Variants in FBXO43 observed in about 807,000 individuals in gnomAD.
FBXO43 encodes the protein F-box only protein 43.
FBXO43 carries 22 observed loss-of-function variants against 56.7 expected under a neutral mutation model. The ratio of observed to expected loss-of-function variants is 0.39; its 90% CI spans 0.28 to 0.55. The LOEUF (loss-of-function observed/expected upper bound fraction) is 0.55. Among genes scored for constraint, FBXO43 ranks in the 20% least tolerant of loss-of-function variants. The pLI, the probability that FBXO43 is intolerant of heterozygous loss-of-function variation, is 0.66. For synonymous variants in FBXO43, 306 were observed against 294.5 expected (o/e 1.04, Z -0.40); for missense variants, 733 against 814.9 (o/e 0.90, Z 1.22).
chr8:100,146,890 C>T (rs1180933925), upstream of FBXO43, among the ~76,000 whole-genome samples: 1 of 152,244 alleles, frequency 6.6e-6, no homozygotes, highest in East Asian at 1.9e-4. Flanking sequence ...CTCTGTCACG[C>T]ACGCTGGAGT....
At position 100,134,344 on chromosome 8, in the gene FBXO43, C is replaced by T. The variant is rs1243361013; in HGVS notation, c.1695G>A (p.Glu565=). Reference sequence around the variant, plus strand: ...AAAGCTGGAGCCGAGTGGCAGCATCCTCGACATTTAATACAGCCCCCTGTG... The same window carrying T: ...AAAGCTGGAGCCGAGTGGCAGCATCTTCGACATTTAATACAGCCCCCTGTG... ...TDSEGAVLNV[E]DAATRLQLLN... is the part of the protein sequence containing the mutation. The change falls in exon 4 of 5, where the codon GAG becomes GAA. Residue 565 remains glutamate, a synonymous_variant. Coordinates refer to ENST00000428847, the MANE Select transcript of FBXO43 (RefSeq NM_001029860.4). The T allele has an allele frequency of 9.9e-6, 16 of 1,613,530 alleles. No individual in the cohort carries two copies. The highest frequency in any genetic ancestry group is 2.2e-5 in the East Asian group (1 of 44,878).
At chr8:100,144,901 C>T in intron 1 of FBXO43, 150 bp downstream of exon 1, 3 of 926,894 alleles carry the variant, frequency 3.2e-6, no homozygotes, top group Non-Finnish European at 3.0e-6. Context: ...CACTGCACTC[C>T]AGCCTGGGCG....
rs752229751 is a variant in FBXO43, at chr8:100,145,086, AC to A, written c.49del (p.Val17Ter). On this transcript the variant is annotated frameshift_variant, in exon 1 of 5. Transcript: ENST00000428847. LOFTEE classifies it high-confidence loss of function. ...DERISCLEAY[V>X]TLTSKSSRFT... ...TCTTGAGCTCTTAGATGTCAAAGTTACGTAGGCTTCCAAACAAGAAATTCTC... is the reference window on the plus strand; with the variant it reads ...TCTTGAGCTCTTAGATGTCAAAGTTAGTAGGCTTCCAAACAAGAAATTCTC... The A allele has an allele frequency of 1.2e-6, 2 of 1,612,482 alleles. No individual in the cohort carries two copies. The highest frequency in any genetic ancestry group is 1.3e-5 in the African/African-American group (1 of 75,002).
chr8:100,144,298 G>A (rs1275894497), intron 1 of FBXO43, among the ~76,000 whole-genome samples: 1 of 149,486 alleles, frequency 6.7e-6, no homozygotes, highest in East Asian at 2.1e-4. Flanking sequence ...AAATGCTTGA[G>A]TCCAGGAGTT....
upstream of FBXO43, among the ~76,000 whole-genome samples, chr8:100,150,048 C>A (rs949924640): frequency 6.6e-6 from 1 of 152,064 alleles, no homozygotes; most frequent in Non-Finnish European, 1.5e-5. Flanking sequence ...ACCAAAATCT[C>A]TTAGATTTAA....
intron 1 of FBXO43, among the ~76,000 whole-genome samples, chr8:100,144,250 G>C (rs537918201): frequency 1.3e-5 from 2 of 151,950 alleles, no homozygotes; most frequent in African/African-American, 4.8e-5. Context: ...GGTGGCTCAC[G>C]CCTGTAATCC....
upstream of FBXO43, among the ~76,000 whole-genome samples, chr8:100,146,016 C>T (rs1440582317): frequency 6.6e-6 from 1 of 152,266 alleles, no homozygotes; most frequent in Non-Finnish European, 1.5e-5. Flanking sequence ...TCTCCCCATT[C>T]CCACTTTGGG....
Position 100,141,942 on chromosome 8 carries a change from G to A in FBXO43, c.312C>T (p.Leu104=), listed in dbSNP as rs948632951. 6.2e-6 allele frequency: 10 copies of A among 1,601,264 alleles called. No individual in the cohort carries two copies. The highest frequency in any genetic ancestry group is 1.3e-5 in the African/African-American group (1 of 74,188). Reference sequence around the variant, plus strand: ...GGCCTGAAGTTTCAGGGTGCTCATAGAGTAATGTTGGGCCTTTTTCTTTCT... The same window carrying A: ...GGCCTGAAGTTTCAGGGTGCTCATAAAGTAATGTTGGGCCTTTTTCTTTCT... ...LGKKEKGPTL[L]YEHPETSGLG... is the part of the protein sequence containing the mutation. The change falls in exon 2 of 5, where the codon CTC becomes CTT. Residue 104 remains leucine, a synonymous_variant. Transcript: ENST00000428847.
At position 100,141,480 on chromosome 8, in the gene FBXO43, A is replaced by G; in HGVS notation, c.774T>C (p.Phe258=). The change falls in exon 2 of 5, where the codon TTT becomes TTC. Residue 258 remains phenylalanine (F), a synonymous_variant. Coordinates refer to ENST00000428847, the MANE Select transcript of FBXO43 (RefSeq NM_001029860.4). ...ECISPIQGNN[F]KDSITHDFSD... ...TAAAGTCATGTGTGATAGAGTCTTT[A>G]AAATTATTGCCCTGAATTGGAGATA... 1 of 1,613,190 alleles carries G rather than the reference A, an allele frequency of 6.2e-7. No individual in the cohort carries two copies. The highest frequency in any genetic ancestry group is 8.5e-7 in the Non-Finnish European group (1 of 1,179,986).
chr8:100,141,864 C>T lies in FBXO43; in HGVS notation c.390G>A (p.Leu130=). The T allele has an allele frequency of 1.9e-6, 3 of 1,589,440 alleles. No individual in the cohort carries two copies. The highest frequency in any genetic ancestry group is 2.6e-6 in the Non-Finnish European group (3 of 1,173,272). The stretch of plus-strand genomic sequence containing the variant: ...GGGTTTTATCCTTTTCCTTTCTAGG[C>T]AAGATACATTTCTTTTTTTGAGTGG... ...ESPTQKKKCI[L]PRKEKDKTPE... The change falls in exon 2 of 5, where the codon TTG becomes TTA. Residue 130 remains leucine, a synonymous_variant. Coordinates refer to ENST00000428847, the MANE Select transcript of FBXO43 (RefSeq NM_001029860.4).
chr8:100,145,047 T>A lies in FBXO43; in HGVS notation c.85+4A>T, dbSNP rs1026587294. On this transcript the variant is annotated splice_donor_region_variant and intron_variant, in intron 1 of 4. Transcript: ENST00000428847. ...TCTTCATTTGTTAAAGTGGAAACTC[T>A]TACCATCAGTAAATCTTGAGCTCTT... 2 of 1,609,648 alleles carry A rather than the reference T, an allele frequency of 1.2e-6. No individual in the cohort carries two copies. Among genetic ancestry groups the A allele is most frequent in the African/African-American group, 2.7e-5 (2 of 74,860 alleles).
At chr8:100,135,254 G>A (rs1814434442) in intron 3 of FBXO43, among the ~76,000 whole-genome samples, 1 of 152,094 alleles carries the variant, frequency 6.6e-6, no homozygotes, top group African/African-American at 2.4e-5. Context: ...GGAATTCAGA[G>A]AGAGAGGGGT....
rs942757485 is a variant in FBXO43, at chr8:100,145,794, C to G, written c.-659G>C. 1.3e-5 allele frequency: 2 copies of G among 152,362 alleles called. No individual in the cohort carries two copies. The highest frequency in any genetic ancestry group is 6.5e-5 in the Admixed American group (1 of 15,290). The allele number at this position is 152,362 out of a possible 1,614,324, so 9.4% of individuals were successfully genotyped here. Reference sequence around the variant, plus strand: ...CCCCCACGCCAGCTTCGCGTGGGGCCGCTGCCTTTACCTCCTTAGGTTTGA... The same window carrying G: ...CCCCCACGCCAGCTTCGCGTGGGGCGGCTGCCTTTACCTCCTTAGGTTTGA... On this transcript the variant is annotated 5_prime_UTR_variant, in exon 1 of 5. Coordinates refer to ENST00000428847, the MANE Select transcript of FBXO43 (RefSeq NM_001029860.4).
Position 100,133,654 on chromosome 8 carries a change from C to A in FBXO43, c.*148G>T. 8 of 909,666 alleles carry A rather than the reference C, an allele frequency of 8.8e-6. No homozygotes were observed. Among genetic ancestry groups the A allele is most frequent in the Middle Eastern group, 3.7e-4 (1 of 2,718 alleles). 56.3% of individuals were successfully genotyped at this position (909,666 alleles called of 1,614,324 possible). On this transcript the variant is annotated 3_prime_UTR_variant, in exon 5 of 5. Transcript: ENST00000428847. ...TTTTTCAAAACAACTTTAAAGAAAA[C>A]ATACAATGACATCGATTATAATATA...
chr8:100,137,443 A>T, intron 3 of FBXO43, 122 bp downstream of exon 3: 1 of 628,662 alleles, frequency 1.6e-6, no homozygotes, highest in Non-Finnish European at 2.7e-6. Flanking sequence ...GGAATTTATG[A>T]GTGAATGTTT....
At chr8:100,148,210 GA>G (rs1176073507), upstream of FBXO43, among the ~76,000 whole-genome samples, 2 of 149,866 alleles carry the variant, frequency 1.3e-5, no homozygotes, top group African/African-American at 2.5e-5. Flanking sequence ...TATTTTTCTT[GA>G]GATATTTTAT....
chr8:100,134,033 A>G lies in FBXO43; in HGVS notation c.1896T>C (p.Phe632=), dbSNP rs1814389510. The G allele has an allele frequency of 1.2e-6, 2 of 1,613,750 alleles. No homozygotes were observed. Among genetic ancestry groups the G allele is most frequent in the Non-Finnish European group, 1.7e-6 (2 of 1,179,796 alleles). ...EEYVKVAKTL[F]TDEALKPCPR... Reference sequence around the variant, plus strand: ...GGCAAGGTTTTAATGCTTCATCAGTAAAAAGTGTTTTGGCAACCTGCAGTG... The same window carrying G: ...GGCAAGGTTTTAATGCTTCATCAGTGAAAAGTGTTTTGGCAACCTGCAGTG... The change falls in exon 5 of 5, where the codon TTT becomes TTC. Residue 632 remains phenylalanine, a synonymous_variant. Transcript: ENST00000428847.
chr8:100,136,277 A>C (rs1252051939), intron 3 of FBXO43, among the ~76,000 whole-genome samples: 1 of 152,216 alleles, frequency 6.6e-6, no homozygotes, highest in African/African-American at 2.4e-5. Context: ...CTAATAGTTC[A>C]CTGTAATGAG....
rs3116074 is a variant in FBXO43, at chr8:100,133,667, C to G, written c.*135G>C. ...CTTTAAAGAAAACATACAATGACAT[C>G]GATTATAATATATACAAAATAGGAA... On this transcript the variant is annotated 3_prime_UTR_variant, in exon 5 of 5. Coordinates refer to ENST00000428847, the MANE Select transcript of FBXO43 (RefSeq NM_001029860.4). The G allele has an allele frequency of 0.018, 18,559 of 1,003,962 alleles. 1,297 individuals carry two copies. The highest frequency in any genetic ancestry group is 0.17 in the African/African-American group (10,401 of 60,516). The allele number at this position is 1,003,962 out of a possible 1,614,324, so 62.2% of individuals were successfully genotyped here.
Sources: allele counts gnomAD v4.1 joint callset (sites outside exome capture counted in the v4.1 genomes callset), GRCh38; gene constraint gnomAD v4.1.1; transcripts MANE v1.5; gene names NCBI Gene and HGNC (gene_info 2026-07-23, HGNC 2026-07-21).